KIAA0825: variants seen among roughly 807,000 people sequenced by gnomAD.
KIAA0825 encodes KIAA0825.
A neutral mutation model predicts 147.6 loss-of-function variants in KIAA0825; 119 were observed. The ratio of observed to expected loss-of-function variants is 0.81; its 90% confidence interval spans 0.69 to 0.94. The LOEUF is 0.94. KIAA0825 is among the 40% of genes least tolerant of loss of function. KIAA0825 has a pLI of 0.00. For missense variants in KIAA0825, 1,381 were observed against 1,472.7 expected (o/e 0.94, Z 1.02); for synonymous variants, 470 against 518.1 (o/e 0.91, Z 1.26).
intron 20 of KIAA0825, among the ~76,000 whole-genome samples, chr5:94,176,275 C>T (rs1398200767): frequency 6.6e-6 from 1 of 152,102 alleles, no homozygotes; most frequent in Non-Finnish European, 1.5e-5. Context: ...GCTCTCTCAC[C>T]ATGTGATCTC....
intron 2 of KIAA0825, among the ~76,000 whole-genome samples, chr5:94,573,272 T>G (rs1780323119): frequency 6.9e-6 from 1 of 145,512 alleles, no homozygotes; most frequent in Non-Finnish European, 1.5e-5. Context: ...TTTTAAGTGT[T>G]TTTTTTTTTT....
At chr5:94,257,958 T>C (rs1453654575) in intron 20 of KIAA0825, among the ~76,000 whole-genome samples, 1 of 152,010 alleles carries the variant, frequency 6.6e-6, no homozygotes, top group Non-Finnish European at 1.5e-5. Context: ...GTCAAGAAAT[T>C]TAAGGAATCT....
intron 20 of KIAA0825, among the ~76,000 whole-genome samples, chr5:94,284,458 G>C (rs1777583866): frequency 6.6e-6 from 1 of 152,068 alleles, no homozygotes; most frequent in Non-Finnish European, 1.5e-5. Context: ...ACAGCACGCT[G>C]GCTCAGCCTG....
At chr5:94,507,214 C>CTTGCCTT (rs1765844677) in intron 5 of KIAA0825, among the ~76,000 whole-genome samples, 1 of 152,138 alleles carries the variant, frequency 6.6e-6, no homozygotes, top group Non-Finnish European at 1.5e-5. Flanking sequence ...CTTTGGAAGG[C>CTTGCCTT]CAAGGCAAGC....
At chr5:94,561,822 C>G (rs2152293320) in intron 2 of KIAA0825, among the ~76,000 whole-genome samples, 1 of 152,272 alleles carries the variant, frequency 6.6e-6, no homozygotes, top group South Asian at 2.1e-4. Flanking sequence ...ATAACTTCCT[C>G]TACACTAATA....
intron 16 of KIAA0825, among the ~76,000 whole-genome samples, chr5:94,402,153 G>T (rs1751460138): frequency 6.6e-6 from 1 of 152,106 alleles, no homozygotes; most frequent in Admixed American, 6.6e-5. Flanking sequence ...TATGAAAAAT[G>T]TTATTTAGTA....
rs1302184133 is a variant in KIAA0825 at position 94,465,043 on chromosome 5, A to G, written c.1889T>C (p.Phe630Ser). ...GAAATAATGCCACATCTGGATCGAG[A>G]AGGAACATCTTTCCCCCTGGCAAAG... is the stretch of plus-strand genomic sequence containing the variant. ...KAFYEGERCS[F>S]SIQMWHYFCW... Residue 630 changes from phenylalanine (F) to serine (S), a missense_variant, in exon 11 of 21, where the codon TTC becomes TCC. Physicochemically the swap from Phe to Ser is radical, Grantham distance 155. Transcript: ENST00000682413. 45 of 1,551,366 alleles carry G rather than the reference A, an allele frequency of 2.9e-5. No homozygotes were observed. Among genetic ancestry groups the G allele is most frequent in the Non-Finnish European group, 3.8e-5 (44 of 1,146,862 alleles).
chr5:94,249,146 C>T (rs1775804742), intron 20 of KIAA0825, among the ~76,000 whole-genome samples: 2 of 151,980 alleles, frequency 1.3e-5, no homozygotes. Context: ...CTGTGAAGTG[C>T]ACACAATACA....
chr5:94,369,265 G>A (rs1449814818), intron 20 of KIAA0825, among the ~76,000 whole-genome samples: 2 of 152,076 alleles, frequency 1.3e-5, no homozygotes, highest in African/African-American at 2.4e-5. Flanking sequence ...TTCAAGACTC[G>A]GGGGCACAGA....
At chr5:94,558,443 G>T (rs1356324179) in intron 2 of KIAA0825, among the ~76,000 whole-genome samples, 1 of 152,150 alleles carries the variant, frequency 6.6e-6, no homozygotes. Flanking sequence ...TGCAGTTTTT[G>T]CTCTTCCCTG....
chr5:94,551,790 G>A (rs190671043), intron 2 of KIAA0825, among the ~76,000 whole-genome samples: 21 of 151,340 alleles, frequency 1.4e-4, no homozygotes, highest in African/African-American at 5.1e-4. Flanking sequence ...TGGTAGAAAA[G>A]GAGAAAGAAA....
intron 20 of KIAA0825, among the ~76,000 whole-genome samples, chr5:94,258,650 T>A (rs1045059405): frequency 1.3e-5 from 2 of 151,996 alleles, no homozygotes; most frequent in African/African-American, 4.8e-5. Flanking sequence ...TACTAACAAA[T>A]ACTGATGTTT....
At chr5:94,583,897 G>A (rs1324351341) in intron 1 of KIAA0825, among the ~76,000 whole-genome samples, 3 of 152,174 alleles carry the variant, frequency 2.0e-5, no homozygotes, top group Non-Finnish European at 2.9e-5. Flanking sequence ...AACAGGATCT[G>A]GAGTGGACCT....
intron 20 of KIAA0825, among the ~76,000 whole-genome samples, chr5:94,338,502 A>T (rs1012758099): frequency 6.6e-6 from 1 of 152,150 alleles, no homozygotes; most frequent in Non-Finnish European, 1.5e-5. Flanking sequence ...TCAGTCAATA[A>T]TGAACTACAT....
rs558542128 is a variant in KIAA0825 at position 94,499,315 on chromosome 5, G to A, written c.971-14385C>T. Among the ~76,000 whole-genome samples, 3 of 152,250 alleles carry A rather than the reference G, an allele frequency of 2.0e-5. No homozygotes were observed. The South Asian group carries it at 6.2e-4, about 32-fold the overall frequency. On this transcript the variant is annotated intron_variant, in intron 5 of 20. Transcript: ENST00000682413. ...TCTCCATGCTGTGAACATCCCTCAT[G>A]TTGAAATTCTATTTCTGAGCCAGCA...
chr5:94,156,449 C>A (rs1767038109), intron 20 of KIAA0825, among the ~76,000 whole-genome samples: 1 of 152,126 alleles, frequency 6.6e-6, no homozygotes, highest in Admixed American at 6.5e-5. Context: ...CTAATATTGT[C>A]TGAGTAAATG....
intron 20 of KIAA0825, among the ~76,000 whole-genome samples, chr5:94,213,217 T>A (rs960655796): frequency 2.0e-5 from 3 of 152,280 alleles, no homozygotes; most frequent in African/African-American, 7.2e-5. Flanking sequence ...AGCATTCATC[T>A]AGTGGCCATA....
At chr5:94,188,282 A>G (rs1770342631) in intron 20 of KIAA0825, among the ~76,000 whole-genome samples, 1 of 152,238 alleles carries the variant, frequency 6.6e-6, no homozygotes, top group Non-Finnish European at 1.5e-5. Flanking sequence ...AACATATTTT[A>G]TAAAGTGTTG....
rs147014829 is a variant in KIAA0825 at position 94,167,305 on chromosome 5, C to G, written c.3711-13181G>C. Among the ~76,000 whole-genome samples, 3 of 152,256 alleles carry G rather than the reference C, an allele frequency of 2.0e-5. No individual in the cohort carries two copies. The East Asian group carries it at 5.8e-4, about 29-fold the overall frequency. Reference sequence around the variant, plus strand: ...AATCAACATTGTTCTTTTTAGGTAACTCGAAAGTTGATTTATCTTCTCAAA... The same window carrying G: ...AATCAACATTGTTCTTTTTAGGTAAGTCGAAAGTTGATTTATCTTCTCAAA... On this transcript the variant is annotated intron_variant, in intron 20 of 20. Coordinates refer to ENST00000682413, the MANE Select transcript of KIAA0825 (RefSeq NM_001145678.3).
Sources: gnomAD v4.1 joint callset for allele counts (sites outside exome capture counted in the v4.1 genomes callset) on GRCh38, gnomAD v4.1.1 for gene constraint, MANE v1.5 for transcripts, NCBI Gene and HGNC (gene_info 2026-07-23, HGNC 2026-07-21) for gene names.